The following FANCA variants were observed in gnomAD, a reference collection of about 807,000 sequenced individuals.
The protein encoded by FANCA is FA complementation group A, also known as Fanconi anemia group A protein.
Under a neutral mutation model 194.3 loss-of-function variants are expected in FANCA, and 236 were observed. That is an observed-to-expected ratio of 1.21 (90% confidence interval 1.09 to 1.35). The LOEUF (loss-of-function observed/expected upper bound fraction) is 1.35. Ranked by LOEUF, FANCA falls within the 40% of genes most tolerant of loss-of-function variation. The pLI is 0.00. For synonymous variants in FANCA, 1,014 were observed against 715.8 expected, an observed-to-expected ratio of 1.42 and a Z score of -6.65; for missense variants, 2,628 against 1,813.9, an observed-to-expected ratio of 1.45 and a Z score of -8.15.
chr16:89,784,558 G>A (rs1443448788), intron 15 of FANCA, among the ~76,000 whole-genome samples: 1 of 152,120 alleles, frequency 6.6e-6, no homozygotes, highest in Non-Finnish European at 1.5e-5. Flanking sequence ...GAGGGAGACT[G>A]AACAGTGACA....
Position 89,784,771 on chromosome 16 carries a change from C to T in FANCA, c.1470+83G>A, listed in dbSNP as rs17232630. ...AGGCTCAGAGCAGATCTGCAGGAGG[C>T]TCTTGGGGAGGCCAAGGCAGTCCTC... On this transcript the variant is annotated intron_variant, in intron 15 of 42. Transcript: ENST00000389301. The T allele has an allele frequency of 0.073, 75,654 of 1,032,542 alleles. 3,626 individuals carry two copies. Among genetic ancestry groups the T allele is most frequent in the East Asian group, 0.16 (6,856 of 42,238 alleles). The allele number at this position is 1,032,542 out of a possible 1,614,324, so 64.0% of individuals were successfully genotyped here.
At chr16:89,815,586 C>T (rs997403970) in intron 2 of FANCA, among the ~76,000 whole-genome samples, 9 of 152,104 alleles carry the variant, frequency 5.9e-5, no homozygotes, top group African/African-American at 1.9e-4. Context: ...GAACTCCTGA[C>T]CCTGAGTGAT....
chr16:89,747,036 C>T (rs533048108), intron 33 of FANCA, 146 bp from the exon 34 acceptor site: 101 of 790,504 alleles, frequency 1.3e-4, no homozygotes, highest in East Asian at 5.5e-4. Context: ...CTGGGCTGAC[C>T]GGGCCTGGCG....
intron 30 of FANCA, among the ~76,000 whole-genome samples, chr16:89,756,074 AAC>A (rs771067454): frequency 5.9e-5 from 9 of 152,220 alleles, no homozygotes; most frequent in African/African-American, 1.9e-4. Context: ...GTACGGTAAA[AAC>A]ACAGTTTAAA....
At chr16:89,791,305 A>T in intron 14 of FANCA, 98 bp downstream of exon 14, 1 of 1,501,034 alleles carries the variant, frequency 6.7e-7, no homozygotes, top group Non-Finnish European at 9.1e-7. Flanking sequence ...AAGGTTGCTC[A>T]CTCACATGAC....
intron 10 of FANCA, 110 bp from the exon 11 acceptor site, chr16:89,796,128 G>A (rs2040238076): frequency 3.6e-6 from 3 of 838,630 alleles, no homozygotes; most frequent in South Asian, 2.8e-5. Flanking sequence ...AAGCAAGGAA[G>A]GGGCTTTCTT....
intron 22 of FANCA, among the ~76,000 whole-genome samples, chr16:89,772,958 G>A (rs755814001): frequency 8.5e-5 from 13 of 152,148 alleles, no homozygotes; most frequent in South Asian, 2.1e-4. Context: ...CATCGACTCC[G>A]GCAGGCAGGA....
chr16:89,803,012 G>A (rs1272102547), intron 8 of FANCA, among the ~76,000 whole-genome samples: 1 of 152,144 alleles, frequency 6.6e-6, no homozygotes, highest in East Asian at 1.9e-4. Context: ...ACAACAGATT[G>A]TATATTTCAA....
intron 31 of FANCA, 92 bp downstream of exon 31, chr16:89,752,046 A>T (rs1232452913): frequency 1.8e-6 from 2 of 1,121,880 alleles, no homozygotes. Context: ...CTGGGATTAC[A>T]GGCGTGAGCC....
intron 17 of FANCA, among the ~76,000 whole-genome samples, chr16:89,782,599 C>A (rs561396538): frequency 6.6e-6 from 1 of 152,258 alleles, no homozygotes; most frequent in African/African-American, 2.4e-5. Context: ...GAACCAAGAT[C>A]TCCCAAAAGG....
At chr16:89,753,315 C>T (rs1330692181) in intron 30 of FANCA, among the ~76,000 whole-genome samples, 1 of 152,180 alleles carries the variant, frequency 6.6e-6, no homozygotes. Context: ...CTCGGGGCCA[C>T]TACCGGTCTC....
intron 4 of FANCA, 48 bp from the exon 5 acceptor site, chr16:89,810,850 T>C (rs772153501): frequency 9.9e-6 from 16 of 1,611,828 alleles, no homozygotes; most frequent in East Asian, 2.2e-5. Context: ...CCTGAAACAA[T>C]ACTAAAGCTA....
intron 22 of FANCA, among the ~76,000 whole-genome samples, chr16:89,772,332 C>T (rs2039354459): frequency 6.6e-6 from 1 of 152,204 alleles, no homozygotes; most frequent in African/African-American, 2.4e-5. Context: ...ATTGAATCAC[C>T]GGAAGGCTGC....
At chr16:89,813,391 G>C (rs893576740) in intron 3 of FANCA, among the ~76,000 whole-genome samples, 1 of 146,406 alleles carries the variant, frequency 6.8e-6, no homozygotes, top group East Asian at 2.1e-4. Context: ...CCAGGCAACA[G>C]AGTGAGACCC....
At chr16:89,809,304 G>A (rs2040787413) in intron 5 of FANCA, among the ~76,000 whole-genome samples, 1 of 152,164 alleles carries the variant, frequency 6.6e-6, no homozygotes, top group Non-Finnish European at 1.5e-5. Context: ...GTGAGCACAT[G>A]AATCATCGCA....
intron 5 of FANCA, among the ~76,000 whole-genome samples, chr16:89,809,141 C>G (rs1233216438): frequency 6.6e-6 from 1 of 151,950 alleles, no homozygotes; most frequent in Non-Finnish European, 1.5e-5. Context: ...CTCCTGACCT[C>G]ATGATCCACC....
intron 20 of FANCA, among the ~76,000 whole-genome samples, chr16:89,776,163 T>G (rs1019220497): frequency 2.2e-5 from 2 of 90,438 alleles, no homozygotes; most frequent in Admixed American, 2.0e-4. Context: ...GTTTTTCTTT[T>G]TTTTTTTTTT....
At chr16:89,800,924 T>C (rs1417534047) in intron 8 of FANCA, among the ~76,000 whole-genome samples, 1 of 150,392 alleles carries the variant, frequency 6.6e-6, no homozygotes. Flanking sequence ...TCCCAGCTAC[T>C]CGGGAGACTG....
chr16:89,737,657 G>GCCCT lies in FANCA; in HGVS notation c.*940_*943dup. On this transcript the variant is annotated 3_prime_UTR_variant, in exon 43 of 43. Transcript: ENST00000389301. ...CAGTTTAAAGATCTTAATAAACGAG[G>GCCCT]CCCTCATAGGCCCCTTGCTTGGGCC... 1 of 1,439,888 alleles carries GCCCT rather than the reference G, an allele frequency of 6.9e-7. No individual in the cohort carries two copies. Among genetic ancestry groups the GCCCT allele is most frequent in the Non-Finnish European group, 9.2e-7 (1 of 1,083,020 alleles). The allele number at this position is 1,439,888 out of a possible 1,614,324, so 89.2% of individuals were successfully genotyped here.
Sources: allele counts gnomAD v4.1 joint callset (sites outside exome capture counted in the v4.1 genomes callset), GRCh38; gene constraint gnomAD v4.1.1; transcripts MANE v1.5; gene names NCBI Gene and HGNC (gene_info 2026-07-23, HGNC 2026-07-21).